Variants in GJB7 observed in about 807,000 individuals in gnomAD.
The protein encoded by GJB7 is gap junction beta-7 protein.
For missense variants in GJB7, 253 were observed against 256.8 expected, an observed-to-expected ratio of 0.99 and a Z score of 0.10; for synonymous variants, 87 against 95.2, an observed-to-expected ratio of 0.91 and a Z score of 0.50.
At chr6:87,320,626 GT>G (rs1485106740) in intron 2 of GJB7, among the ~76,000 whole-genome samples, 1 of 152,208 alleles carries the variant, frequency 6.6e-6, no homozygotes, top group African/African-American at 2.4e-5. Flanking sequence ...AGAAATGGAA[GT>G]TACAGGCAAA....
intron 1 of GJB7, among the ~76,000 whole-genome samples, chr6:87,328,564 G>A (rs533190724): frequency 4.6e-5 from 7 of 152,044 alleles, no homozygotes; most frequent in African/African-American, 7.3e-5. Flanking sequence ...TAGGCTGCTC[G>A]GGGGTCAGGG....
intron 2 of GJB7, among the ~76,000 whole-genome samples, chr6:87,311,721 A>G (rs957097281): frequency 6.6e-6 from 1 of 152,238 alleles, no homozygotes; most frequent in Non-Finnish European, 1.5e-5. Flanking sequence ...AACTGATTGT[A>G]TAAATTGGTT....
chr6:87,320,530 G>A lies in GJB7; in HGVS notation c.-28+2336C>T, dbSNP rs149994985. 9.5e-3 allele frequency among the ~76,000 whole-genome samples: 1,445 copies of A among 152,212 alleles called. 19 individuals carry two copies. The highest frequency in any genetic ancestry group is 0.033 in the African/African-American group (1,361 of 41,540). Reference sequence around the variant, plus strand: ...AGAGGTTTATTTCACCAATGTTAAGGACCATGGCCTGTGACACAGCCTCAG... The same window carrying A: ...AGAGGTTTATTTCACCAATGTTAAGAACCATGGCCTGTGACACAGCCTCAG... On this transcript the variant is annotated intron_variant, in intron 2 of 2. Coordinates refer to ENST00000525899, the MANE Select transcript of GJB7 (RefSeq NM_198568.3).
chr6:87,313,768 T>G (rs776945572), intron 2 of GJB7, among the ~76,000 whole-genome samples: 6 of 152,230 alleles, frequency 3.9e-5, no homozygotes, highest in Non-Finnish European at 8.8e-5. Context: ...TAGGTCAGCG[T>G]TTCTGAAAGT....
At chr6:87,317,614 A>G (rs1044053976) in intron 2 of GJB7, among the ~76,000 whole-genome samples, 3 of 152,040 alleles carry the variant, frequency 2.0e-5, no homozygotes, top group African/African-American at 7.2e-5. Flanking sequence ...TATTTTTAGT[A>G]GAAATGGGGT....
intron 2 of GJB7, among the ~76,000 whole-genome samples, chr6:87,306,476 T>C (rs1398820386): frequency 1.3e-5 from 2 of 152,114 alleles, no homozygotes; most frequent in Admixed American, 6.6e-5. Flanking sequence ...CACAATGAGA[T>C]ACCATCTCAC....
intron 2 of GJB7, among the ~76,000 whole-genome samples, chr6:87,295,918 T>C (rs1322577718): frequency 6.6e-6 from 1 of 152,240 alleles, no homozygotes; most frequent in Non-Finnish European, 1.5e-5. Context: ...TAACATCAAT[T>C]TAGCTACCAC....
intron 2 of GJB7, among the ~76,000 whole-genome samples, chr6:87,305,210 C>G (rs1159849970): frequency 6.6e-6 from 1 of 152,068 alleles, no homozygotes; most frequent in East Asian, 1.9e-4. Context: ...AAAGGGTATT[C>G]AATTAGGAAA....
chr6:87,312,397 A>T (rs1002345371), intron 2 of GJB7, among the ~76,000 whole-genome samples: 1 of 151,738 alleles, frequency 6.6e-6, no homozygotes, highest in African/African-American at 2.4e-5. Flanking sequence ...CTGTAATCCC[A>T]GTTACTCAGG....
intron 2 of GJB7, among the ~76,000 whole-genome samples, chr6:87,310,452 A>G (rs1472062803): frequency 6.6e-6 from 1 of 152,150 alleles, no homozygotes; most frequent in Non-Finnish European, 1.5e-5. Context: ...CAAGAAAACT[A>G]TATCCAGCAC....
intron 1 of GJB7, among the ~76,000 whole-genome samples, chr6:87,324,980 C>T (rs1276562968): frequency 6.6e-6 from 1 of 151,976 alleles, no homozygotes; most frequent in African/African-American, 2.4e-5. Context: ...TGAAGAGGTC[C>T]TTCACATCCC....
chr6:87,313,013 C>T (rs899333066), intron 2 of GJB7, among the ~76,000 whole-genome samples: 2 of 152,180 alleles, frequency 1.3e-5, no homozygotes, highest in African/African-American at 4.8e-5. Context: ...TCAGTCTTTT[C>T]ACTGTGCATT....
intron 1 of GJB7, among the ~76,000 whole-genome samples, chr6:87,328,703 T>G (rs904774908): frequency 1.3e-5 from 2 of 152,192 alleles, no homozygotes; most frequent in Non-Finnish European, 2.9e-5. Flanking sequence ...TGCTGTCTTT[T>G]TGTTTGTCTG....
intron 2 of GJB7, among the ~76,000 whole-genome samples, chr6:87,285,140 C>T (rs1428149951): frequency 6.6e-6 from 1 of 152,120 alleles, no homozygotes; most frequent in Non-Finnish European, 1.5e-5. Context: ...ATAATTAATC[C>T]CATGTCCACT....
At chr6:87,312,781 C>T (rs1008949476) in intron 2 of GJB7, among the ~76,000 whole-genome samples, 6 of 152,124 alleles carry the variant, frequency 3.9e-5, no homozygotes, top group Non-Finnish European at 7.3e-5. Context: ...TACCCGCCTC[C>T]CTATTCAAAT....
At position 87,284,339 on chromosome 6, in the gene GJB7, C is replaced by A. The variant is rs780633054; in HGVS notation, c.574G>T (p.Val192Leu). ...AAACTCAGTTCAATGAAATTCAACA[C>A]AATACACAAGCATGAGGTGATGACC... Reference protein sequence around the residue: ...FLVITSCLCIVLNFIELSFLV... With the variant: ...FLVITSCLCILLNFIELSFLV... The change falls in exon 3 of 3, where the codon GTG becomes TTG. Residue 192 changes from valine to leucine, a missense_variant. Coordinates refer to ENST00000525899, the MANE Select transcript of GJB7 (RefSeq NM_198568.3). 14 of 1,613,862 alleles carry A rather than the reference C, an allele frequency of 8.7e-6. No individual in the cohort carries two copies. The Middle Eastern group carries it at 4.9e-4, about 57-fold the overall frequency.
At chr6:87,301,100 G>A (rs1776315656) in intron 2 of GJB7, among the ~76,000 whole-genome samples, 2 of 152,204 alleles carry the variant, frequency 1.3e-5, no homozygotes, top group South Asian at 4.1e-4. Context: ...CTCCCAGCAT[G>A]AGCGACAGAG....
chr6:87,312,238 G>T (rs1776520210), intron 2 of GJB7, among the ~76,000 whole-genome samples: 1 of 147,992 alleles, frequency 6.8e-6, no homozygotes, highest in South Asian at 2.2e-4. Context: ...GTCGGGCCGG[G>T]TGCAGTGGCT....
At chr6:87,291,170 C>T (rs1477890657) in intron 2 of GJB7, among the ~76,000 whole-genome samples, 2 of 152,154 alleles carry the variant, frequency 1.3e-5, no homozygotes, top group Non-Finnish European at 2.9e-5. Context: ...GTTTCAGCAA[C>T]ATGATGTCTT....
Sources: gnomAD v4.1 joint callset for allele counts (sites outside exome capture counted in the v4.1 genomes callset) on GRCh38, gnomAD v4.1.1 for gene constraint, MANE v1.5 for transcripts, NCBI Gene and HGNC (gene_info 2026-07-23, HGNC 2026-07-21) for gene names.